The following THSD7B variants were observed in gnomAD, a reference collection of about 807,000 sequenced individuals.
THSD7B encodes the protein thrombospondin type-1 domain-containing protein 7B.
THSD7B carries 138 observed loss-of-function variants against 213.6 expected under a neutral mutation model. The observed-to-expected ratio is 0.65, with a 90% CI of 0.56 to 0.74. The LOEUF is 0.74. THSD7B is among the 30% of genes least tolerant of loss of function. THSD7B has a pLI of 0.00. For missense variants in THSD7B, 1,931 were observed against 1,991.5 expected (o/e 0.97, Z 0.58); for synonymous variants, 742 against 687.0 (o/e 1.08, Z -1.25).
intron 10 of THSD7B, among the ~76,000 whole-genome samples, chr2:137,258,256 A>T (rs1447382011): frequency 6.6e-6 from 1 of 152,180 alleles, no homozygotes; most frequent in Non-Finnish European, 1.5e-5. Flanking sequence ...AGATATAAAG[A>T]TATTAGCCTA....
In THSD7B at chr2:137,366,329, A is replaced by G. The variant is rs1032017917; in HGVS notation, c.2501-39284A>G. Among the ~76,000 whole-genome samples the G allele has an allele frequency of 4.6e-5, 7 of 152,232 alleles. No homozygotes were observed. In the South Asian group the frequency reaches 8.3e-4, roughly 18 times the overall value. Reference sequence around the variant, plus strand: ...TGGCTGCAGCAAACCAACATGGCTTATGTATACATATGTAACAAACCTGCA... The same window carrying G: ...TGGCTGCAGCAAACCAACATGGCTTGTGTATACATATGTAACAAACCTGCA... On this transcript the variant is annotated intron_variant, in intron 12 of 27. Coordinates refer to ENST00000409968, the MANE Select transcript of THSD7B (RefSeq NM_001316349.2).
intron 13 of THSD7B, among the ~76,000 whole-genome samples, chr2:137,406,741 A>C (rs1686528705): frequency 6.6e-6 from 1 of 152,236 alleles, no homozygotes; most frequent in Non-Finnish European, 1.5e-5. Flanking sequence ...ACAAACTGGG[A>C]GTCCATTTGT....
intron 12 of THSD7B, among the ~76,000 whole-genome samples, chr2:137,312,634 G>T (rs1025102891): frequency 1.3e-5 from 2 of 150,102 alleles, no homozygotes; most frequent in African/African-American, 4.9e-5. Flanking sequence ...GCTTTCTCTT[G>T]TGGGCATTTA....
chr2:136,898,401 A>G (rs886514431), intron 2 of THSD7B, among the ~76,000 whole-genome samples: 2 of 152,120 alleles, frequency 1.3e-5, no homozygotes, highest in African/African-American at 2.4e-5. Context: ...TGAACTCCTG[A>G]CCTCAGGTGA....
At chr2:137,256,242 G>A (rs1319421722) in intron 10 of THSD7B, among the ~76,000 whole-genome samples, 2 of 152,134 alleles carry the variant, frequency 1.3e-5, no homozygotes, top group African/African-American at 4.8e-5. Context: ...CAAGTTTTAT[G>A]CCAACTGCTA....
intron 12 of THSD7B, among the ~76,000 whole-genome samples, chr2:137,356,181 A>G (rs1047958712): frequency 6.6e-6 from 1 of 151,978 alleles, no homozygotes; most frequent in Non-Finnish European, 1.5e-5. Context: ...GGGCTAACAA[A>G]TTTGCATATC....
chr2:137,342,216 C>T (rs1286773970), intron 12 of THSD7B, among the ~76,000 whole-genome samples: 2 of 151,294 alleles, frequency 1.3e-5, no homozygotes, highest in Non-Finnish European at 3.0e-5. Context: ...CGTTCTTTCA[C>T]CTTCTTGGTT....
chr2:137,459,364 A>T (rs868698028), intron 15 of THSD7B, among the ~76,000 whole-genome samples: 12 of 152,072 alleles, frequency 7.9e-5, no homozygotes, highest in Middle Eastern at 3.2e-3. Context: ...TTTCTACATG[A>T]CTTAAGATTC....
chr2:137,230,454 A>G (rs745701557), intron 7 of THSD7B, among the ~76,000 whole-genome samples: 34 of 152,192 alleles, frequency 2.2e-4, no homozygotes, highest in Non-Finnish European at 4.3e-4. Context: ...TATTAAATGT[A>G]TTAGGGAGAA....
intron 1 of THSD7B, among the ~76,000 whole-genome samples, chr2:136,778,760 GAATGA>G (rs1558801968): frequency 6.6e-6 from 1 of 152,094 alleles, no homozygotes. Context: ...AGATAGAAGA[GAATGA>G]AATGAAGAAA....
chr2:137,567,671 C>G (rs1681266986), intron 16 of THSD7B, among the ~76,000 whole-genome samples: 1 of 151,980 alleles, frequency 6.6e-6, no homozygotes, highest in Non-Finnish European at 1.5e-5. Flanking sequence ...AAAAAGGAAG[C>G]CTCAAAAATG....
chr2:137,588,812 T>A (rs1681801631), intron 17 of THSD7B, among the ~76,000 whole-genome samples: 1 of 151,682 alleles, frequency 6.6e-6, no homozygotes, highest in Admixed American at 6.6e-5. Context: ...CGAGATGGAG[T>A]TTTGCTCTTG....
intron 1 of THSD7B, among the ~76,000 whole-genome samples, chr2:136,798,720 C>A (rs1682116310): frequency 2.6e-5 from 4 of 152,008 alleles, no homozygotes. Context: ...AAAATCAGCA[C>A]TGGCTGAAGC....
At chr2:137,302,961 G>T (rs1223835951) in intron 12 of THSD7B, among the ~76,000 whole-genome samples, 2 of 152,096 alleles carry the variant, frequency 1.3e-5, no homozygotes, top group Admixed American at 6.5e-5. Context: ...GTTCTCAAAT[G>T]CAGGTGCAAA....
At chr2:137,089,258 G>A (rs970453319) in intron 3 of THSD7B, among the ~76,000 whole-genome samples, 4 of 119,708 alleles carry the variant, frequency 3.3e-5, no homozygotes, top group Non-Finnish European at 6.6e-5. Context: ...GTGTGTGTGT[G>A]TGTGTGTGTG....
intron 17 of THSD7B, among the ~76,000 whole-genome samples, chr2:137,589,112 G>T (rs912040068): frequency 6.6e-6 from 1 of 152,086 alleles, no homozygotes; most frequent in Non-Finnish European, 1.5e-5. Context: ...AATAACATAA[G>T]TGTATGCTTT....
At position 136,929,993 on chromosome 2, in the gene THSD7B, T is replaced by C. The variant is rs114387688; in HGVS notation, c.139+47676T>C. On this transcript the variant is annotated intron_variant, in intron 2 of 27. Transcript: ENST00000409968. ...GTTTTTAATTCTAAGATTAACTCTT[T>C]AGGGTATGGAAGAAGGTGGTTGTTG... Among the ~76,000 whole-genome samples the C allele has an allele frequency of 5.9e-3, 896 of 152,278 alleles. 10 individuals are homozygous for C. Among genetic ancestry groups the C allele is most frequent in the African/African-American group, 0.021 (854 of 41,560 alleles).
chr2:137,577,715 A>G (rs1448300637), intron 17 of THSD7B, among the ~76,000 whole-genome samples: 1 of 152,182 alleles, frequency 6.6e-6, no homozygotes, highest in Admixed American at 6.6e-5. Flanking sequence ...TATTTCAGCC[A>G]TAAATACTTC....
intron 2 of THSD7B, among the ~76,000 whole-genome samples, chr2:136,994,996 ACT>A (rs539553399): frequency 6.6e-6 from 1 of 152,206 alleles, no homozygotes; most frequent in South Asian, 2.1e-4. Flanking sequence ...AGCTAGCCTG[ACT>A]CTGCAGTAGT....
Sources: gnomAD v4.1 joint callset for allele counts (sites outside exome capture counted in the v4.1 genomes callset) on GRCh38, gnomAD v4.1.1 for gene constraint, MANE v1.5 for transcripts, NCBI Gene and HGNC (gene_info 2026-07-23, HGNC 2026-07-21) for gene names.